The following TANC2 variants were observed in gnomAD, a reference collection of about 807,000 sequenced individuals.
TANC2 encodes the protein protein TANC2.
TANC2 carries 26 observed loss-of-function variants against 210.5 expected under a neutral mutation model. That is an observed-to-expected ratio of 0.12 (90% confidence interval 0.09 to 0.17). The LOEUF is 0.17. Among genes scored for constraint, TANC2 ranks in the 10% least tolerant of loss-of-function variants. The pLI is 1.00. For synonymous variants in TANC2, 931 were observed against 967.1 expected (o/e 0.96, Z 0.69); for missense variants, 2,129 against 2,608.9 (o/e 0.82, Z 4.01).
At chr17:63,078,670 T>C (rs2036656191) in intron 3 of TANC2, among the ~76,000 whole-genome samples, 1 of 152,196 alleles carries the variant, frequency 6.6e-6, no homozygotes, top group African/African-American at 2.4e-5. Flanking sequence ...AGTATGTTGA[T>C]GTAGTTTCCA....
chr17:63,265,408 A>G (rs1279219111), intron 8 of TANC2, among the ~76,000 whole-genome samples: 1 of 152,192 alleles, frequency 6.6e-6, no homozygotes, highest in Non-Finnish European at 1.5e-5. Flanking sequence ...GGCCAATGGT[A>G]TGGCCTCTGT....
chr17:63,354,123 C>G (rs977061802), intron 13 of TANC2, among the ~76,000 whole-genome samples: 5 of 152,044 alleles, frequency 3.3e-5, no homozygotes, highest in African/African-American at 1.2e-4. Context: ...GAGCAAAGTC[C>G]GTGGGTAGGT....
chr17:63,016,377 C>T (rs2034110501), intron 2 of TANC2, among the ~76,000 whole-genome samples: 1 of 152,158 alleles, frequency 6.6e-6, no homozygotes, highest in South Asian at 2.1e-4. Flanking sequence ...CACTTCGAGA[C>T]CAGCCTGGCC....
intron 14 of TANC2, among the ~76,000 whole-genome samples, chr17:63,374,124 C>T (rs901277793): frequency 6.8e-6 from 1 of 146,592 alleles, no homozygotes; most frequent in Non-Finnish European, 1.5e-5. Context: ...GCAGCCTCGA[C>T]GTCCTGGGCT....
chr17:63,186,527 T>C (rs1350010468), intron 5 of TANC2, among the ~76,000 whole-genome samples: 3 of 152,012 alleles, frequency 2.0e-5, no homozygotes, highest in Non-Finnish European at 4.4e-5. Flanking sequence ...TAATTTTTTG[T>C]ATTTTTAGTA....
intron 3 of TANC2, among the ~76,000 whole-genome samples, chr17:63,086,365 C>G (rs1281146799): frequency 6.6e-6 from 1 of 152,076 alleles, no homozygotes; most frequent in Non-Finnish European, 1.5e-5. Context: ...TGTAGTGGTT[C>G]CACAGTTCTT....
chr17:62,973,601 C>A (rs1001083980), intron 1 of TANC2, among the ~76,000 whole-genome samples: 1 of 152,120 alleles, frequency 6.6e-6, no homozygotes, highest in Admixed American at 6.5e-5. Flanking sequence ...CAGAGTAAGT[C>A]CTGGACTGTA....
intron 4 of TANC2, among the ~76,000 whole-genome samples, chr17:63,139,456 T>C (rs932268816): frequency 1.1e-4 from 17 of 152,056 alleles, no homozygotes; most frequent in African/African-American, 3.9e-4. Flanking sequence ...CAAAACCTCA[T>C]CTCTACTAAA....
At chr17:63,031,389 GA>G (rs1240890130) in intron 2 of TANC2, among the ~76,000 whole-genome samples, 4 of 151,992 alleles carry the variant, frequency 2.6e-5, no homozygotes, top group Non-Finnish European at 2.9e-5. Flanking sequence ...GAATATTGAA[GA>G]AAAAATGATT....
chr17:63,100,018 G>T (rs1457844021), intron 4 of TANC2, among the ~76,000 whole-genome samples: 2 of 152,106 alleles, frequency 1.3e-5, no homozygotes, highest in Non-Finnish European at 1.5e-5. Flanking sequence ...GAATGCTTAT[G>T]TGTGAAAATA....
At position 62,982,745 on chromosome 17, in the gene TANC2, G is replaced by GT. The variant is rs564779229; in HGVS notation, c.-24+16002dup. On this transcript the variant is annotated intron_variant, in intron 1 of 27. Transcript: ENST00000689528. The stretch of plus-strand genomic sequence containing the variant: ...GATTTTTCTGCAATGTATGTTATTG[G>GT]TTTTTTGCCAGAAATCAGTTGGCTG... Among the ~76,000 whole-genome samples, 68 of 152,164 alleles carry GT rather than the reference G, an allele frequency of 4.5e-4. 2 individuals carry two copies. The East Asian group carries it at 7.1e-3, about 16-fold the overall frequency.
At chr17:63,067,757 A>G (rs1042991503) in intron 2 of TANC2, among the ~76,000 whole-genome samples, 4 of 152,132 alleles carry the variant, frequency 2.6e-5, no homozygotes, top group African/African-American at 7.2e-5. Flanking sequence ...AAATTATCCA[A>G]ATCTAAACAA....
intron 4 of TANC2, among the ~76,000 whole-genome samples, chr17:63,115,356 T>C (rs2038212966): frequency 6.6e-6 from 1 of 152,178 alleles, no homozygotes. Context: ...CTCAATCACT[T>C]TGCATGTTCT....
intron 2 of TANC2, among the ~76,000 whole-genome samples, chr17:63,052,853 CTTTA>C (rs991001771): frequency 1.3e-5 from 2 of 152,122 alleles, no homozygotes; most frequent in African/African-American, 4.8e-5. Context: ...ACTAATAAAA[CTTTA>C]TTTGTGAACA....
chr17:63,349,205 A>G (rs1271246869), intron 12 of TANC2, among the ~76,000 whole-genome samples: 2 of 152,210 alleles, frequency 1.3e-5, no homozygotes, highest in Non-Finnish European at 2.9e-5. Context: ...AATAAAAAAT[A>G]ATATATCATC....
chr17:63,140,073 T>C (rs2039231942), intron 4 of TANC2, among the ~76,000 whole-genome samples: 1 of 152,226 alleles, frequency 6.6e-6, no homozygotes. Context: ...AAAGAAACTT[T>C]ATACTACTAG....
At chr17:63,332,072 C>A in intron 11 of TANC2, 1 of 329,968 alleles carries the variant, frequency 3.0e-6, no homozygotes. Flanking sequence ...TAGAGTCTTC[C>A]TGAATAATTT....
intron 4 of TANC2, among the ~76,000 whole-genome samples, chr17:63,144,645 A>T (rs1005741124): frequency 6.6e-6 from 1 of 151,990 alleles, no homozygotes; most frequent in African/African-American, 2.4e-5. Flanking sequence ...ATTGGGGAAG[A>T]TAGAGGGAGA....
At chr17:63,299,356 C>A (rs1408500474) in intron 9 of TANC2, among the ~76,000 whole-genome samples, 1 of 152,110 alleles carries the variant, frequency 6.6e-6, no homozygotes, top group African/African-American at 2.4e-5. Flanking sequence ...ACACTGACTT[C>A]CACAATTTTT....
Sources: gnomAD v4.1 joint callset for allele counts (sites outside exome capture counted in the v4.1 genomes callset) on GRCh38, gnomAD v4.1.1 for gene constraint, MANE v1.5 for transcripts, NCBI Gene and HGNC (gene_info 2026-07-23, HGNC 2026-07-21) for gene names.